CNTNAP2: variants seen among roughly 807,000 people sequenced by gnomAD.
CNTNAP2 encodes contactin associated protein 2, also known as contactin-associated protein-like 2.
A neutral mutation model predicts 155.2 loss-of-function variants in CNTNAP2; 98 were observed. The ratio of observed to expected loss-of-function variants is 0.63; its 90% CI spans 0.54 to 0.75. The LOEUF (loss-of-function observed/expected upper bound fraction) is 0.75. Among genes scored for constraint, CNTNAP2 ranks in the 30% least tolerant of loss-of-function variants. The pLI, the probability that CNTNAP2 is intolerant of heterozygous loss-of-function variation, is 0.00. For synonymous variants in CNTNAP2, 651 were observed against 631.2 expected (o/e 1.03, Z -0.47); for missense variants, 1,727 against 1,688.1 (o/e 1.02, Z -0.40).
intron 1 of CNTNAP2, among the ~76,000 whole-genome samples, chr7:146,669,109 G>A (rs369505253): frequency 4.7e-4 from 71 of 152,102 alleles, no homozygotes; most frequent in Admixed American, 4.1e-3. Flanking sequence ...CTTAAGAAAC[G>A]TAAGGGTTAA....
intron 1 of CNTNAP2, among the ~76,000 whole-genome samples, chr7:146,704,676 T>G (rs1029850672): frequency 6.6e-6 from 1 of 152,134 alleles, no homozygotes; most frequent in Non-Finnish European, 1.5e-5. Context: ...AACCAAATAG[T>G]TTAGGAAACA....
intron 18 of CNTNAP2, chr7:148,190,054 T>C (rs906533398): frequency 2.0e-5 from 3 of 152,226 alleles, no homozygotes. Flanking sequence ...CAAGACGTGA[T>C]ATCTAGTTTT....
chr7:146,688,881 G>A (rs1422200605), intron 1 of CNTNAP2, among the ~76,000 whole-genome samples: 1 of 152,064 alleles, frequency 6.6e-6, no homozygotes, highest in Non-Finnish European at 1.5e-5. Context: ...ATTCTTGTTA[G>A]CTGATTACAG....
intron 1 of CNTNAP2, among the ~76,000 whole-genome samples, chr7:146,402,435 C>T (rs1795727688): frequency 6.6e-6 from 1 of 152,066 alleles, no homozygotes; most frequent in Non-Finnish European, 1.5e-5. Flanking sequence ...CCAGAGTCAT[C>T]AATAGCCATT....
At chr7:147,406,743 G>T (rs1797010986) in intron 10 of CNTNAP2, among the ~76,000 whole-genome samples, 1 of 152,182 alleles carries the variant, frequency 6.6e-6, no homozygotes, top group South Asian at 2.1e-4. Context: ...GAAGGGGTGA[G>T]GAGTATGTGT....
intron 1 of CNTNAP2, among the ~76,000 whole-genome samples, chr7:146,684,976 G>A (rs1011729868): frequency 6.6e-6 from 1 of 152,102 alleles, no homozygotes; most frequent in African/African-American, 2.4e-5. Context: ...AAATCTTACT[G>A]AGAAAGTGAT....
intron 10 of CNTNAP2, among the ~76,000 whole-genome samples, chr7:147,414,152 C>A (rs1354338262): frequency 6.6e-6 from 1 of 152,138 alleles, no homozygotes; most frequent in East Asian, 1.9e-4. Context: ...AGGCTGGGCG[C>A]AGTGGCTCAC....
chr7:147,401,539 A>G (rs917977544), intron 10 of CNTNAP2, among the ~76,000 whole-genome samples: 4 of 152,168 alleles, frequency 2.6e-5, no homozygotes. Context: ...TCAAAACTAA[A>G]TTGACTCTGT....
At chr7:147,396,190 T>C (rs1259269199) in intron 10 of CNTNAP2, among the ~76,000 whole-genome samples, 1 of 147,934 alleles carries the variant, frequency 6.8e-6, no homozygotes, top group South Asian at 2.1e-4. Context: ...AGCATATATA[T>C]ATATATATGT....
intron 9 of CNTNAP2, among the ~76,000 whole-genome samples, chr7:147,390,486 C>T (rs1367640513): frequency 6.6e-6 from 1 of 152,036 alleles, no homozygotes; most frequent in African/African-American, 2.4e-5. Context: ...TTCCTAGAGC[C>T]ACAATCAGCT....
intron 1 of CNTNAP2, among the ~76,000 whole-genome samples, chr7:146,180,568 G>A (rs1012829507): frequency 6.6e-6 from 1 of 152,014 alleles, no homozygotes; most frequent in Admixed American, 6.6e-5. Context: ...ATATTAAAAT[G>A]TATGTATTCA....
chr7:148,198,638 G>C (rs1338728237), intron 18 of CNTNAP2, among the ~76,000 whole-genome samples: 4 of 152,176 alleles, frequency 2.6e-5, no homozygotes, highest in African/African-American at 7.2e-5. Flanking sequence ...ATACTCCCTG[G>C]GCCATCTTTT....
At chr7:148,145,053 A>C (rs1805150050) in intron 16 of CNTNAP2, among the ~76,000 whole-genome samples, 1 of 152,128 alleles carries the variant, frequency 6.6e-6, no homozygotes, top group Admixed American at 6.5e-5. Flanking sequence ...GAGAAAAAAG[A>C]GCCCTTTCCT....
chr7:147,218,944 A>G (rs753219906), intron 8 of CNTNAP2, among the ~76,000 whole-genome samples: 1 of 152,168 alleles, frequency 6.6e-6, no homozygotes, highest in Admixed American at 6.5e-5. Context: ...TTATTATCAT[A>G]GTTCATTTTG....
In CNTNAP2 at chr7:147,774,566, G is replaced by T. The variant is rs146693214; in HGVS notation, c.2099-128999G>T. Among the ~76,000 whole-genome samples the T allele has an allele frequency of 5.1e-3, 773 of 152,184 alleles. 2 individuals are homozygous for T. Among genetic ancestry groups the T allele is most frequent in the Non-Finnish European group, 7.4e-3 (501 of 68,018 alleles). The stretch of plus-strand genomic sequence containing the variant: ...TATGGAGGTAATTAAGGTTAAATGA[G>T]GTCATAAGGGTAGGGACCTGATCTG... On this transcript the variant is annotated intron_variant, in intron 13 of 23. Coordinates refer to ENST00000361727, the MANE Select transcript of CNTNAP2 (RefSeq NM_014141.6).
chr7:146,933,871 C>T (rs1463101231), intron 3 of CNTNAP2, among the ~76,000 whole-genome samples: 1 of 151,926 alleles, frequency 6.6e-6, no homozygotes, highest in Non-Finnish European at 1.5e-5. Context: ...TAGAGAAATG[C>T]AAATCAAAAC....
intron 3 of CNTNAP2, among the ~76,000 whole-genome samples, chr7:146,905,461 C>A (rs781121719): frequency 2.6e-5 from 4 of 152,104 alleles, no homozygotes; most frequent in Non-Finnish European, 5.9e-5. Context: ...CATCCTCTTA[C>A]GAGTTGGTTC....
intron 3 of CNTNAP2, among the ~76,000 whole-genome samples, chr7:147,006,509 A>AT (rs1229091206): frequency 6.6e-6 from 1 of 152,040 alleles, no homozygotes; most frequent in Non-Finnish European, 1.5e-5. Flanking sequence ...AAAGAGGTGT[A>AT]TTTTGGGGTT....
At position 146,170,170 on chromosome 7, in the gene CNTNAP2, G is replaced by T. The variant is rs191140176; in HGVS notation, c.97+53197G>T. Reference sequence around the variant, plus strand: ...GCCTTCCAAGTAGCTGGGATTACAGGTGTGCACCACCACACCCAGCTAATT... The same window carrying T: ...GCCTTCCAAGTAGCTGGGATTACAGTTGTGCACCACCACACCCAGCTAATT... On this transcript the variant is annotated intron_variant, in intron 1 of 23. Coordinates refer to ENST00000361727, the MANE Select transcript of CNTNAP2 (RefSeq NM_014141.6). Among the ~76,000 whole-genome samples, 8 of 152,024 alleles carry T rather than the reference G, an allele frequency of 5.3e-5. No homozygotes were observed. In the East Asian group the frequency reaches 1.6e-3, roughly 30 times the overall value.
Sources: allele counts gnomAD v4.1 joint callset (sites outside exome capture counted in the v4.1 genomes callset), GRCh38; gene constraint gnomAD v4.1.1; transcripts MANE v1.5; gene names NCBI Gene and HGNC (gene_info 2026-07-23, HGNC 2026-07-21).